Variants in NCOR1 observed in about 807,000 individuals in gnomAD.
NCOR1 encodes the protein nuclear receptor corepressor 1, also known as protein phosphatase 1, regulatory subunit 109.
NCOR1 carries 63 observed loss-of-function variants against 288.1 expected under a neutral mutation model. That is an observed-to-expected ratio of 0.22 (90% CI 0.18 to 0.27). The LOEUF is 0.27. NCOR1 is among the 10% of genes least tolerant of loss of function. The pLI, the probability that NCOR1 is intolerant of heterozygous loss-of-function variation, is 1.00. For missense variants in NCOR1, 2,397 were observed against 3,019.2 expected (o/e 0.79, Z 4.83); for synonymous variants, 1,007 against 1,065.9 (o/e 0.94, Z 1.08).
intron 1 of NCOR1, among the ~76,000 whole-genome samples, chr17:16,208,290 C>T (rs2091792368): frequency 7.3e-6 from 1 of 137,180 alleles, no homozygotes; most frequent in African/African-American, 2.7e-5. Flanking sequence ...GATCTCTTGA[C>T]CTCGTGATCC....
intron 18 of NCOR1, among the ~76,000 whole-genome samples, chr17:16,114,122 G>A (rs895767502): frequency 6.0e-5 from 7 of 116,844 alleles, no homozygotes; most frequent in African/African-American, 1.9e-4. Flanking sequence ...AGCAAGTAAC[G>A]TCTTACATGA....
At chr17:16,150,778 G>A (rs973657347) in intron 8 of NCOR1, among the ~76,000 whole-genome samples, 2 of 151,434 alleles carry the variant, frequency 1.3e-5, no homozygotes, top group Non-Finnish European at 2.9e-5. Context: ...TGTTAAAACA[G>A]CTAAGCAGTT....
At chr17:16,104,149 A>C (rs1408254784) in intron 19 of NCOR1, among the ~76,000 whole-genome samples, 2 of 152,186 alleles carry the variant, frequency 1.3e-5, no homozygotes, top group Non-Finnish European at 2.9e-5. Context: ...TAGGCTATAA[A>C]CTCCATGAAG....
rs1222452663 is a variant in NCOR1 at position 16,047,031 on chromosome 17, T to G, written c.6599A>C (p.Asn2200Thr). Reference sequence around the variant, plus strand: ...CTTTGATTTAACCATGGGTGATGTATTTTCAAGCTTGGTGAAGAATGAAGG... The same window carrying G: ...CTTTGATTTAACCATGGGTGATGTAGTTTCAAGCTTGGTGAAGAATGAAGG... ...YLPSFFTKLE[N>T]TSPMVKSKKQ... The change falls in exon 42 of 46, where the codon AAT becomes ACT. Residue 2200 changes from asparagine (N) to threonine (T), a missense_variant. By Grantham distance (65) the Asn-to-Thr change is moderately conservative. Transcript: ENST00000268712. The G allele has an allele frequency of 6.2e-7, 1 of 1,614,090 alleles. No individual in the cohort carries two copies. The highest frequency in any genetic ancestry group is 1.1e-5 in the South Asian group (1 of 91,062).
At chr17:16,068,747 G>A (rs1425319924) in intron 31 of NCOR1, among the ~76,000 whole-genome samples, 4 of 135,926 alleles carry the variant, frequency 2.9e-5, no homozygotes, top group African/African-American at 8.4e-5. Flanking sequence ...ATAGAGTCTC[G>A]CTGTCACCCA....
intron 40 of NCOR1, among the ~76,000 whole-genome samples, chr17:16,050,239 T>TTTTA (rs2059152846): frequency 6.6e-6 from 1 of 151,936 alleles, no homozygotes; most frequent in African/African-American, 2.4e-5. Flanking sequence ...TTTTTTTTTT[T>TTTTA]TAAGACAGAG....
Position 16,071,443 on chromosome 17 carries a change from C to T in NCOR1, c.4118G>A (p.Ser1373Asn). 1 of 1,614,138 alleles carries T rather than the reference C, an allele frequency of 6.2e-7. No individual in the cohort carries two copies. Residue 1373 changes from serine to asparagine, a missense_variant, in exon 30 of 46, where the codon AGC becomes AAC. By Grantham distance (46) the Ser-to-Asn change is conservative. Transcript: ENST00000268712. ...ESRKTPEVVQ[S>N]TRPIIEGSIS... is the part of the protein sequence containing the mutation. ...GGAACCCTCAATTATCGGCCGTGTG[C>T]TCTGGACCACTTCTGGAGTTTTCCG...
At chr17:16,143,968 T>C (rs1409398895) in intron 10 of NCOR1, among the ~76,000 whole-genome samples, 1 of 152,218 alleles carries the variant, frequency 6.6e-6, no homozygotes, top group Non-Finnish European at 1.5e-5. Context: ...TAATTATTGA[T>C]GCCAATTCCA....
intron 40 of NCOR1, chr17:16,057,115 T>A (rs1222587831): frequency 5.5e-6 from 1 of 182,334 alleles, no homozygotes; most frequent in Non-Finnish European, 1.2e-5. Flanking sequence ...ATTACAGGTA[T>A]AAGCCACTAT....
intron 9 of NCOR1, 77 bp downstream of exon 9, chr17:16,149,374 C>A: frequency 2.8e-6 from 2 of 712,508 alleles, no homozygotes; most frequent in Non-Finnish European, 2.3e-6. Flanking sequence ...CTCTCATTAA[C>A]AGTAGGAAAG....
intron 37 of NCOR1, among the ~76,000 whole-genome samples, chr17:16,059,074 AAAG>A (rs2060264770): frequency 6.6e-6 from 1 of 151,118 alleles, no homozygotes; most frequent in Non-Finnish European, 1.5e-5. Flanking sequence ...AAAAAAAAAA[AAAG>A]ACATGTTTTA....
At chr17:16,206,621 G>C (rs570375715) in intron 1 of NCOR1, among the ~76,000 whole-genome samples, 15 of 152,064 alleles carry the variant, frequency 9.9e-5, no homozygotes, top group Admixed American at 4.6e-4. Context: ...CCTGACCTCC[G>C]GTGATCTACC....
intron 11 of NCOR1, among the ~76,000 whole-genome samples, chr17:16,141,264 T>C (rs1268225017): frequency 1.3e-5 from 2 of 152,078 alleles, no homozygotes; most frequent in South Asian, 2.1e-4. Context: ...TGACTAAATA[T>C]TGTAATTGTC....
At chr17:16,144,204 G>T (rs1248919313) in intron 10 of NCOR1, among the ~76,000 whole-genome samples, 2 of 152,208 alleles carry the variant, frequency 1.3e-5, no homozygotes, top group East Asian at 3.9e-4. Flanking sequence ...ATCTATCAAA[G>T]AATTTCTTAA....
chr17:16,077,609 A>AAGGAAGGG (rs1344621629), intron 26 of NCOR1, among the ~76,000 whole-genome samples: 1 of 142,442 alleles, frequency 7.0e-6, no homozygotes, highest in Non-Finnish European at 1.5e-5. Flanking sequence ...GGGAAAAGAA[A>AAGGAAGGG]AGGAAGGGAG....
At chr17:16,085,742 C>A (rs552761310) in intron 23 of NCOR1, among the ~76,000 whole-genome samples, 1 of 152,262 alleles carries the variant, frequency 6.6e-6, no homozygotes, top group African/African-American at 2.4e-5. Context: ...CATGAGAAAA[C>A]TTTCTGAAGT....
At position 16,068,127 on chromosome 17, in the gene NCOR1, A is replaced by G. The variant is rs757221278; in HGVS notation, c.4514-6T>C. ...CTTGTTAGAAGAAATTGTAACTGGA[A>G]AAAAAGAGCCAATGCCACAAGTTCT... is the stretch of plus-strand genomic sequence containing the variant. On this transcript the variant is annotated splice_region_variant and splice_polypyrimidine_tract_variant and intron_variant, in intron 31 of 45. Transcript: ENST00000268712. 6.3e-7 allele frequency: 1 copy of G among 1,593,166 alleles called. No homozygotes were observed. The highest frequency in any genetic ancestry group is 8.6e-7 in the Non-Finnish European group (1 of 1,166,448).
At chr17:16,139,330 CAAT>C (rs1470079805) in intron 11 of NCOR1, 144 bp from the exon 12 acceptor site, 4 of 543,912 alleles carry the variant, frequency 7.4e-6, no homozygotes, top group Non-Finnish European at 1.3e-5. Context: ...ATCTAACATA[CAAT>C]AATTACTCAT....
At chr17:16,178,996 C>T (rs958381954) in intron 3 of NCOR1, among the ~76,000 whole-genome samples, 1 of 151,776 alleles carries the variant, frequency 6.6e-6, no homozygotes, top group African/African-American at 2.4e-5. Context: ...TCCAGCTAAT[C>T]GGAGGCTGAG....
Sources: allele counts gnomAD v4.1 joint callset (sites outside exome capture counted in the v4.1 genomes callset), GRCh38; gene constraint gnomAD v4.1.1; transcripts MANE v1.5; gene names NCBI Gene and HGNC (gene_info 2026-07-23, HGNC 2026-07-21).